The following DIP2C variants were observed in gnomAD, a reference collection of about 807,000 sequenced individuals.
DIP2C encodes the protein DIP2 acetate--CoA ligase C (putative).
DIP2C carries 33 observed loss-of-function variants against 192.4 expected under a neutral mutation model. That is an observed-to-expected ratio of 0.17 (90% CI 0.13 to 0.23). The LOEUF (loss-of-function observed/expected upper bound fraction) is 0.23, where lower values mean the gene tolerates loss of function less well. DIP2C is among the 10% of genes least tolerant of loss of function. The pLI is 1.00. For missense variants in DIP2C, 1,537 were observed against 2,110.1 expected (o/e 0.73, Z 5.32); for synonymous variants, 979 against 864.1 (o/e 1.13, Z -2.33).
At chr10:400,428 C>A (rs1156850409) in intron 9 of DIP2C, among the ~76,000 whole-genome samples, 1 of 152,262 alleles carries the variant, frequency 6.6e-6, no homozygotes, top group African/African-American at 2.4e-5. Flanking sequence ...TGGATTCCCA[C>A]TAAGCCCTGT....
At chr10:311,531 C>G (rs1227301015) in intron 31 of DIP2C, 1 of 1,232,316 alleles carries the variant, frequency 8.1e-7, no homozygotes, top group Non-Finnish European at 1.0e-6. Flanking sequence ...CAGGAAAGTC[C>G]CCTACCTGCT....
intron 27 of DIP2C, 26 bp downstream of exon 27, chr10:344,973 C>T: frequency 6.2e-7 from 1 of 1,608,978 alleles, no homozygotes; most frequent in Non-Finnish European, 8.5e-7. Flanking sequence ...CGTGAGCAAA[C>T]CACCTTCTGC....
At chr10:484,440 A>G (rs528695423) in intron 2 of DIP2C, among the ~76,000 whole-genome samples, 16 of 152,354 alleles carry the variant, frequency 1.1e-4, no homozygotes, top group African/African-American at 3.8e-4. Context: ...GTCTTTGGCT[A>G]TAAGATGAAA....
chr10:593,909 G>A (rs1001265131), intron 1 of DIP2C, among the ~76,000 whole-genome samples: 9 of 151,690 alleles, frequency 5.9e-5, no homozygotes, highest in East Asian at 1.9e-4. Flanking sequence ...GTTAGCTGCC[G>A]AGTTAAAGGG....
chr10:331,334 C>T (rs967348363), intron 29 of DIP2C, among the ~76,000 whole-genome samples: 2 of 152,162 alleles, frequency 1.3e-5, no homozygotes, highest in Admixed American at 6.5e-5. Flanking sequence ...AACTACTCTT[C>T]GGCAAATGTG....
intron 4 of DIP2C, chr10:430,341 A>G (rs1966845441): frequency 6.6e-6 from 1 of 152,112 alleles, no homozygotes. Context: ...TTTCCAACCT[A>G]AGCTAGTTCA....
At chr10:369,877 C>G in intron 17 of DIP2C, 1 of 1,372,970 alleles carries the variant, frequency 7.3e-7, no homozygotes, top group Non-Finnish European at 9.6e-7. Flanking sequence ...CCGTAAACTA[C>G]CAACGCAGCT....
In DIP2C at chr10:600,630, G is replaced by A. The variant is rs886471966; in HGVS notation, c.85+88864C>T. Among the ~76,000 whole-genome samples the A allele has an allele frequency of 4.0e-5, 6 of 149,544 alleles. No homozygotes were observed. In the South Asian group the frequency reaches 1.1e-3, roughly 26 times the overall value. On this transcript the variant is annotated intron_variant, in intron 1 of 36. Coordinates refer to ENST00000280886, the MANE Select transcript of DIP2C (RefSeq NM_014974.3). ...AGAGGGTTTCCGGATGCTCCTCAAT[G>A]ACCCGACAGCCCTTTCCACCTTAAA...
At chr10:414,919 T>TGGTAGAGACAGGGTTTTGCCATA (rs1965530621) in intron 7 of DIP2C, among the ~76,000 whole-genome samples, 1 of 136,210 alleles carries the variant, frequency 7.3e-6, no homozygotes, top group Non-Finnish European at 1.6e-5. Flanking sequence ...TTTTTTTTTT[T>TGGTAGAGACAGGGTTTTGCCATA]TTGGTAGAGA....
intron 25 of DIP2C, 57 bp downstream of exon 25, chr10:349,247 GGCACCAGCGGGTGTAAGGGACCTCCTC>G: frequency 6.5e-7 from 1 of 1,534,768 alleles, no homozygotes; most frequent in Non-Finnish European, 8.8e-7. Flanking sequence ...CCTCGGCTCA[GGCACCAGCGGGTGTAAGGGACCTCCTC>G]GCACCGCGGC....
At chr10:599,273 C>G (rs748756877) in intron 1 of DIP2C, among the ~76,000 whole-genome samples, 142 of 152,296 alleles carry the variant, frequency 9.3e-4, no homozygotes, top group Non-Finnish European at 1.7e-3. Flanking sequence ...TAAGGGCTTA[C>G]TAAGACACCC....
chr10:678,610 CCCCGTG>C, intron 1 of DIP2C, among the ~76,000 whole-genome samples: 2 of 143,444 alleles, frequency 1.4e-5, no homozygotes, highest in Non-Finnish European at 3.0e-5. Flanking sequence ...CACTCGTGAT[CCCCGTG>C]CCCATCTCTG....
intron 1 of DIP2C, among the ~76,000 whole-genome samples, chr10:561,376 G>A (rs979063083): frequency 6.6e-6 from 1 of 152,140 alleles, no homozygotes; most frequent in African/African-American, 2.4e-5. Context: ...CACTGGCATG[G>A]GGACTCCAAC....
chr10:624,185 C>A (rs1479316438), intron 1 of DIP2C, among the ~76,000 whole-genome samples: 1 of 152,230 alleles, frequency 6.6e-6, no homozygotes, highest in East Asian at 1.9e-4. Flanking sequence ...GATCTGTTAT[C>A]TCGGTCCCAG....
chr10:603,588 CTG>C (rs1457236058), intron 1 of DIP2C, among the ~76,000 whole-genome samples: 5 of 152,168 alleles, frequency 3.3e-5, no homozygotes, highest in African/African-American at 9.7e-5. Flanking sequence ...ACAGAAGACA[CTG>C]TTTCTGTCCA....
intron 1 of DIP2C, among the ~76,000 whole-genome samples, chr10:655,436 G>A (rs1017497782): frequency 2.0e-5 from 3 of 151,976 alleles, no homozygotes; most frequent in African/African-American, 7.3e-5. Flanking sequence ...ACTACGCTAT[G>A]TAATAGTCAC....
chr10:433,026 T>C (rs1966891183), intron 4 of DIP2C, among the ~76,000 whole-genome samples: 1 of 152,240 alleles, frequency 6.6e-6, no homozygotes, highest in Non-Finnish European at 1.5e-5. Context: ...GTGTGTTTTA[T>C]GGACCAAAAC....
chr10:470,845 A>C (rs779934120), intron 3 of DIP2C, among the ~76,000 whole-genome samples: 2 of 152,322 alleles, frequency 1.3e-5, no homozygotes, highest in African/African-American at 4.8e-5. Context: ...TATAAAATGG[A>C]AGATAGACCC....
intron 32 of DIP2C, among the ~76,000 whole-genome samples, chr10:305,237 G>A (rs1171108883): frequency 6.6e-6 from 1 of 152,186 alleles, no homozygotes; most frequent in Non-Finnish European, 1.5e-5. Context: ...ACACAGGCAA[G>A]CTCGCACATG....
Sources: allele counts gnomAD v4.1 joint callset (sites outside exome capture counted in the v4.1 genomes callset), GRCh38; gene constraint gnomAD v4.1.1; transcripts MANE v1.5; gene names NCBI Gene and HGNC (gene_info 2026-07-23, HGNC 2026-07-21).